The following GRID1 variants were observed in gnomAD, a reference collection of about 807,000 sequenced individuals.
GRID1 encodes glutamate ionotropic receptor delta type subunit 1, also known as glutamate receptor ionotropic, delta-1.
Under a neutral mutation model 98.0 loss-of-function variants are expected in GRID1, and 28 were observed. The ratio of observed to expected loss-of-function variants is 0.29; its 90% confidence interval spans 0.21 to 0.39. GRID1 has a LOEUF of 0.39. GRID1 is among the 10% of genes least tolerant of loss of function. The pLI is 1.00. For missense variants in GRID1, 1,111 were observed against 1,340.5 expected, an observed-to-expected ratio of 0.83 and a Z score of 2.67; for synonymous variants, 553 against 538.5, an observed-to-expected ratio of 1.03 and a Z score of -0.37.
chr10:86,309,826 C>G (rs1038908549), intron 2 of GRID1, among the ~76,000 whole-genome samples: 2 of 152,190 alleles, frequency 1.3e-5, no homozygotes, highest in African/African-American at 4.8e-5. Flanking sequence ...TGAAGTCCCT[C>G]CTCCTACAAA....
intron 4 of GRID1, among the ~76,000 whole-genome samples, chr10:85,990,864 C>CTT (rs142590501): frequency 6.6e-6 from 1 of 151,762 alleles, no homozygotes; most frequent in Non-Finnish European, 1.5e-5. Flanking sequence ...AATATAAAGA[C>CTT]TTTTTTTTTC....
rs1437430476 is a variant in GRID1, at chr10:86,366,000, C to T, written c.79+314G>A. Among the ~76,000 whole-genome samples the T allele has an allele frequency of 6.6e-6, 1 of 152,172 alleles. No individual in the cohort carries two copies. Among genetic ancestry groups the T allele is most frequent in the Non-Finnish European group, 1.5e-5 (1 of 68,024 alleles). On this transcript the variant is annotated intron_variant, in intron 1 of 15. Transcript: ENST00000327946. This position sits in a 1 kb window ranked among gnomAD's most constrained non-coding sequence, Gnocchi z 4.8. Reference sequence around the variant, plus strand: ...GCTGCGCAGAAGGGCCCTCCCGACCCGCCGACGGCCCCGCTAAGGGCGCGG... The same window carrying T: ...GCTGCGCAGAAGGGCCCTCCCGACCTGCCGACGGCCCCGCTAAGGGCGCGG...
intron 2 of GRID1, among the ~76,000 whole-genome samples, chr10:86,251,820 C>G (rs929144557): frequency 6.6e-6 from 1 of 152,030 alleles, no homozygotes; most frequent in Non-Finnish European, 1.5e-5. Context: ...TTTTGATGAC[C>G]CTGAGCAGCT....
intron 4 of GRID1, among the ~76,000 whole-genome samples, chr10:85,922,950 C>T (rs1305953469): frequency 1.3e-5 from 2 of 152,100 alleles, no homozygotes; most frequent in Non-Finnish European, 2.9e-5. Context: ...TCTCCTTGCC[C>T]CAGCCTTGTC....
rs144224052 is a variant in GRID1 at position 86,098,457 on chromosome 10, G to A, written c.726+40362C>T. Among the ~76,000 whole-genome samples the A allele has an allele frequency of 3.2e-3, 483 of 152,174 alleles. 3 individuals carry two copies. The highest frequency in any genetic ancestry group is 0.011 in the African/African-American group (455 of 41,520). On this transcript the variant is annotated intron_variant, in intron 4 of 15. Transcript: ENST00000327946. Reference sequence around the variant, plus strand: ...TTGCCTTAACCACACCCCTAACATTGGCTCCTTAGATTATCACCCATTTTT... The same window carrying A: ...TTGCCTTAACCACACCCCTAACATTAGCTCCTTAGATTATCACCCATTTTT...
chr10:85,751,516 T>C (rs1842045615), intron 8 of GRID1, among the ~76,000 whole-genome samples: 1 of 152,164 alleles, frequency 6.6e-6, no homozygotes, highest in Non-Finnish European at 1.5e-5. Context: ...GCTTCCCTTG[T>C]TCAGTCTGGT....
chr10:86,058,225 T>C (rs1244251649), intron 4 of GRID1, among the ~76,000 whole-genome samples: 1 of 152,124 alleles, frequency 6.6e-6, no homozygotes, highest in Non-Finnish European at 1.5e-5. Flanking sequence ...AGAGGCTGGA[T>C]GGAACACTTG....
In GRID1 at chr10:85,724,443, C is replaced by T. The variant is rs767837102; in HGVS notation, c.1767G>A (p.Val589=). The T allele has an allele frequency of 6.2e-7, 1 of 1,614,132 alleles. No individual in the cohort carries two copies. The highest frequency in any genetic ancestry group is 1.1e-5 in the South Asian group (1 of 91,082). Residue 589 remains valine, a synonymous_variant, in exon 11 of 16, where the codon GTG becomes GTA. Coordinates refer to ENST00000327946, the MANE Select transcript of GRID1 (RefSeq NM_017551.3). ...LIFVLNRIQA[V]RAQSAAQPRP... ...TGGGCTGGGCAGCACTCTGAGCCCT[C>T]ACAGCCTGTATCCTGTTCAACACAA...
chr10:86,244,339 G>T (rs1846687022), intron 2 of GRID1, among the ~76,000 whole-genome samples: 1 of 152,210 alleles, frequency 6.6e-6, no homozygotes, highest in African/African-American at 2.4e-5. Flanking sequence ...ATTCAGCAGA[G>T]CCAAGGCCTC....
chr10:85,858,856 T>C lies in GRID1; in HGVS notation c.952-2666A>G, dbSNP rs188779749. On this transcript the variant is annotated intron_variant, in intron 6 of 15. Coordinates refer to ENST00000327946, the MANE Select transcript of GRID1 (RefSeq NM_017551.3). ...ATCTGTGGCTCTGACCAGAACCCAG[T>C]GGAATCTCCCTTTCACTTCAGCACT... Among the ~76,000 whole-genome samples, 15 of 152,282 alleles carry C rather than the reference T, an allele frequency of 9.9e-5. No homozygotes were observed. In the East Asian group the frequency reaches 2.5e-3, roughly 25 times the overall value.
intron 2 of GRID1, among the ~76,000 whole-genome samples, chr10:86,292,728 T>C (rs955342167): frequency 6.6e-6 from 1 of 151,364 alleles, no homozygotes; most frequent in East Asian, 1.9e-4. Context: ...TGGGTGCGAG[T>C]GTGCGCAGGT....
In GRID1 at chr10:85,851,387, T is replaced by C. The variant is rs148360136; in HGVS notation, c.1233+3109A>G. ...ATGATATAGACCTTTGATTTTTCCA[T>C]ACAAAGCTCACTCACTAAAAACGCA... On this transcript the variant is annotated intron_variant, in intron 8 of 15. Coordinates refer to ENST00000327946, the MANE Select transcript of GRID1 (RefSeq NM_017551.3). Among the ~76,000 whole-genome samples, 27 of 152,318 alleles carry C rather than the reference T, an allele frequency of 1.8e-4. No homozygotes were observed. The East Asian group carries it at 4.6e-3, about 26-fold the overall frequency.
intron 2 of GRID1, among the ~76,000 whole-genome samples, chr10:86,270,561 G>A (rs190146714): frequency 1.8e-4 from 27 of 152,106 alleles, no homozygotes; most frequent in Middle Eastern, 3.4e-3. Context: ...GTGGTGGTGC[G>A]TGCCTGTAAT....
intron 8 of GRID1, among the ~76,000 whole-genome samples, chr10:85,835,529 C>T (rs1056153443): frequency 2.6e-5 from 4 of 152,204 alleles, no homozygotes; most frequent in African/African-American, 9.7e-5. Context: ...CGTGATATTG[C>T]TCCTCCTTTG....
intron 8 of GRID1, among the ~76,000 whole-genome samples, chr10:85,731,666 G>A (rs1841824113): frequency 6.6e-6 from 1 of 151,880 alleles, no homozygotes; most frequent in Non-Finnish European, 1.5e-5. Flanking sequence ...AGCCAGTGTG[G>A]TGGCATACTC....
intron 8 of GRID1, among the ~76,000 whole-genome samples, chr10:85,766,542 C>A (rs1208339224): frequency 6.6e-6 from 1 of 152,106 alleles, no homozygotes; most frequent in Non-Finnish European, 1.5e-5. Context: ...AGAAACCAAA[C>A]AAAACTTTTC....
At chr10:85,658,342 A>C (rs1840926631) in intron 12 of GRID1, among the ~76,000 whole-genome samples, 1 of 152,172 alleles carries the variant, frequency 6.6e-6, no homozygotes, top group African/African-American at 2.4e-5. Context: ...CTCTGCTAAC[A>C]CTTGCTTTAT....
chr10:86,258,577 C>G (rs539304607), intron 2 of GRID1, among the ~76,000 whole-genome samples: 1 of 152,198 alleles, frequency 6.6e-6, no homozygotes, highest in Non-Finnish European at 1.5e-5. Context: ...AAGCCCCCAT[C>G]TCTCATGGCA....
chr10:86,187,443 A>C (rs1353040377), intron 3 of GRID1, among the ~76,000 whole-genome samples: 1 of 152,204 alleles, frequency 6.6e-6, no homozygotes, highest in African/African-American at 2.4e-5. Context: ...GACAGTCTGC[A>C]CCAGAGTCTG....
Sources: allele counts gnomAD v4.1 joint callset (sites outside exome capture counted in the v4.1 genomes callset), GRCh38; gene constraint gnomAD v4.1.1; non-coding constraint Gnocchi (gnomAD v3.1); transcripts MANE v1.5; gene names NCBI Gene and HGNC (gene_info 2026-07-23, HGNC 2026-07-21).